Variants in LIMS1 observed in about 807,000 individuals in gnomAD.
LIMS1 encodes LIM zinc finger domain containing 1.
In LIMS1, 18 loss-of-function variants were observed where a neutral mutation model predicts 44.1. The observed-to-expected ratio is 0.41, with a 90% confidence interval of 0.28 to 0.61. LIMS1 has a LOEUF of 0.61. LIMS1 is among the 20% of genes least tolerant of loss of function. The pLI is 0.32. For synonymous variants in LIMS1, 93 were observed against 149.1 expected, an observed-to-expected ratio of 0.62 and a Z score of 2.74; for missense variants, 201 against 422.0, an observed-to-expected ratio of 0.48 and a Z score of 4.59.
rs1178551940 is a variant in LIMS1 at position 108,598,061 on chromosome 2, T to A, written c.33-61544T>A. ...TGAATTCTGAATGTTTTCTAATATA[T>A]CCTTGTTTCTCATCATCCTAGGAAT... On this transcript the variant is annotated intron_variant, in intron 1 of 9. Coordinates refer to ENST00000544547, the Ensembl canonical transcript of LIMS1. 4.0e-5 allele frequency among the ~76,000 whole-genome samples: 6 copies of A among 151,732 alleles called. No homozygotes were observed. In the East Asian group the frequency reaches 1.2e-3, roughly 29 times the overall value.
At chr2:108,607,148 C>A in intron 1 of LIMS1, 3 of 1,480,818 alleles carry the variant, frequency 2.0e-6, no homozygotes, top group Non-Finnish European at 2.8e-6. Context: ...CCTGCTTGCC[C>A]CTTCCTGCAT....
chr2:108,540,187 A>G (rs1352422544), intron 1 of LIMS1, among the ~76,000 whole-genome samples: 1 of 145,296 alleles, frequency 6.9e-6, no homozygotes, highest in East Asian at 2.1e-4. Flanking sequence ...GATAAAGTAC[A>G]GATTCCTTTT....
intron 9 of LIMS1, among the ~76,000 whole-genome samples, chr2:108,683,570 G>A (rs1443474075): frequency 2.1e-5 from 3 of 145,496 alleles, no homozygotes; most frequent in Non-Finnish European, 4.5e-5. Context: ...GTGATTGACT[G>A]TACTTAAGTT....
chr2:108,666,794 AAAAAAT>A (rs1691788798), intron 2 of LIMS1, among the ~76,000 whole-genome samples: 1 of 151,856 alleles, frequency 6.6e-6, no homozygotes, highest in Non-Finnish European at 1.5e-5. Context: ...TTTCTGAAAA[AAAAAAT>A]AATAATAATA....
At chr2:108,610,781 G>GT (rs1474811142) in intron 1 of LIMS1, among the ~76,000 whole-genome samples, 13 of 152,144 alleles carry the variant, frequency 8.5e-5, no homozygotes, top group African/African-American at 2.7e-4. Context: ...CCCCTTCTCT[G>GT]TTTTTCCTCC....
At chr2:108,604,841 G>T (rs894043442) in intron 1 of LIMS1, among the ~76,000 whole-genome samples, 1 of 152,206 alleles carries the variant, frequency 6.6e-6, no homozygotes, top group Non-Finnish European at 1.5e-5. Flanking sequence ...TCTGAAATTT[G>T]ATCTCCGCCA....
intron 1 of LIMS1, among the ~76,000 whole-genome samples, chr2:108,573,246 C>G (rs1328350012): frequency 6.6e-6 from 1 of 151,770 alleles, no homozygotes; most frequent in East Asian, 1.9e-4. Context: ...TTTTGTGATT[C>G]ATGGGCCACA....
intron 3 of LIMS1, chr2:108,671,077 A>G (rs1038129040): frequency 9.0e-5 from 47 of 521,876 alleles, no homozygotes; most frequent in Non-Finnish European, 1.5e-4. Flanking sequence ...AGGCTGAGGC[A>G]GGAGAATCGC....
At chr2:108,682,934 A>C (rs1028885713) in intron 9 of LIMS1, among the ~76,000 whole-genome samples, 1 of 152,252 alleles carries the variant, frequency 6.6e-6, no homozygotes, top group Non-Finnish European at 1.5e-5. Flanking sequence ...TCTGGATTTC[A>C]ACAGTAATAA....
At chr2:108,608,014 A>C (rs1032082441) in intron 1 of LIMS1, among the ~76,000 whole-genome samples, 1 of 152,202 alleles carries the variant, frequency 6.6e-6, no homozygotes, top group Non-Finnish European at 1.5e-5. Flanking sequence ...AATAATGAAG[A>C]TATTGAAATT....
chr2:108,671,477 A>G (rs1692159771), intron 3 of LIMS1, among the ~76,000 whole-genome samples: 2 of 152,180 alleles, frequency 1.3e-5, no homozygotes, highest in Admixed American at 1.3e-4. Flanking sequence ...AGAAAGAGGC[A>G]GGGAAGAAAT....
intron 9 of LIMS1, among the ~76,000 whole-genome samples, chr2:108,682,304 C>T (rs1412923244): frequency 6.6e-6 from 1 of 152,026 alleles, no homozygotes; most frequent in Non-Finnish European, 1.5e-5. Context: ...TTGAGATCAG[C>T]CTGGGCAACA....
intron 1 of LIMS1, among the ~76,000 whole-genome samples, chr2:108,639,483 C>T (rs1384097152): frequency 6.6e-6 from 1 of 152,212 alleles, no homozygotes; most frequent in African/African-American, 2.4e-5. Context: ...GACTAAGTCT[C>T]GCTCTATCGC....
At chr2:108,550,404 CAGG>C (rs1684641471) in intron 1 of LIMS1, among the ~76,000 whole-genome samples, 2 of 151,624 alleles carry the variant, frequency 1.3e-5, no homozygotes, top group Non-Finnish European at 2.9e-5. Context: ...GAGGCTGAGG[CAGG>C]AGAATAGCGT....
chr2:108,611,135 C>G (rs1687575776), intron 1 of LIMS1, among the ~76,000 whole-genome samples: 1 of 152,230 alleles, frequency 6.6e-6, no homozygotes, highest in African/African-American at 2.4e-5. Flanking sequence ...TAAAACCAGG[C>G]TGAGGCCAGG....
intron 1 of LIMS1, among the ~76,000 whole-genome samples, chr2:108,650,180 T>G (rs1160453327): frequency 6.6e-6 from 1 of 152,248 alleles, no homozygotes; most frequent in Admixed American, 6.5e-5. Flanking sequence ...CAGTCAAATT[T>G]GTTTGCATTT....
intron 1 of LIMS1, chr2:108,588,670 T>G (rs17036552): frequency 0.092 from 82,052 of 895,324 alleles, 4,061 homozygotes; most frequent in South Asian, 0.2. Context: ...ATGACCTACC[T>G]TTCTCAGTTA....
intron 1 of LIMS1, among the ~76,000 whole-genome samples, chr2:108,596,463 T>G (rs529924313): frequency 0.012 from 1,772 of 152,354 alleles, 1 homozygote; most frequent in African/African-American, 0.041. Flanking sequence ...GTAAAATGAT[T>G]TACAGAACAG....
At chr2:108,616,104 A>G (rs7563278) in intron 1 of LIMS1, among the ~76,000 whole-genome samples, 3 of 150,186 alleles carry the variant, frequency 2.0e-5, no homozygotes, top group Non-Finnish European at 4.4e-5. Context: ...AGAACATTTG[A>G]TAATGGTCTA....
Sources: allele counts gnomAD v4.1 joint callset (sites outside exome capture counted in the v4.1 genomes callset), GRCh38; gene constraint gnomAD v4.1.1; transcripts MANE v1.5; gene names NCBI Gene and HGNC (gene_info 2026-07-23, HGNC 2026-07-21).